ABL2: variants seen among roughly 807,000 people sequenced by gnomAD.
ABL2 encodes tyrosine-protein kinase ABL2.
Under a neutral mutation model 107.7 loss-of-function variants are expected in ABL2, and 49 were observed. The ratio of observed to expected loss-of-function variants is 0.45; its 90% CI spans 0.36 to 0.58. ABL2 has a LOEUF of 0.58. Among genes scored for constraint, ABL2 ranks in the 20% least tolerant of loss-of-function variants. The pLI is 0.00. For missense variants in ABL2, 1,245 were observed against 1,457.0 expected, an observed-to-expected ratio of 0.85 and a Z score of 2.37; for synonymous variants, 549 against 548.6, an observed-to-expected ratio of 1.00 and a Z score of -0.01.
chr1:179,100,985 C>T lies in ABL2; in HGVS notation c.*6733G>A, dbSNP rs3813642. The T allele has an allele frequency of 0.64, 148,353 of 232,452 alleles. 47,839 individuals are homozygous for T. Among genetic ancestry groups the T allele is most frequent in the Middle Eastern group, 0.71 (558 of 782 alleles). The allele number at this position is 232,452 out of a possible 1,614,324, so 14.4% of individuals were successfully genotyped here. On this transcript the variant is annotated 3_prime_UTR_variant, in exon 12 of 12. Coordinates refer to ENST00000502732, the MANE Select transcript of ABL2 (RefSeq NM_007314.4). ...TGGAGGGAAGGGTCCGGCGAGACCT[C>T]GCCAGGTGGGCTTGAGAAACGCAGC...
chr1:179,186,833 T>A (rs1330151085), intron 1 of ABL2, among the ~76,000 whole-genome samples: 1 of 151,884 alleles, frequency 6.6e-6, no homozygotes, highest in Non-Finnish European at 1.5e-5. Flanking sequence ...ACCTCCCAGG[T>A]TCAAGCAATT....
At chr1:179,118,820 C>T in intron 6 of ABL2, 56 bp from the exon 7 acceptor site, 1 of 1,554,282 alleles carries the variant, frequency 6.4e-7, no homozygotes, top group Non-Finnish European at 8.8e-7. Flanking sequence ...ACACTCCAAA[C>T]CACTTTGGCC....
Position 179,108,259 on chromosome 1 carries a change from G to A in ABL2, c.3008C>T (p.Thr1003Ile). The A allele has an allele frequency of 3.1e-6, 5 of 1,614,120 alleles. No individual in the cohort carries two copies. Among genetic ancestry groups the A allele is most frequent in the Non-Finnish European group, 3.4e-6 (4 of 1,180,012 alleles). The stretch of plus-strand genomic sequence containing the variant: ...TGCAGTTAGGGCAGTTGGCTCTTCT[G>A]TAGGGTCTGAGCAGATGGACGGATG... The part of the protein sequence containing the change: ...LQHPSICSDP[T>I]EEPTALTAGQ... Residue 1003 changes from threonine to isoleucine, a missense_variant, in exon 12 of 12, where the codon ACA becomes ATA. By Grantham distance (89) the Thr-to-Ile change is moderately conservative (BLOSUM62 -1). Coordinates refer to ENST00000502732, the MANE Select transcript of ABL2 (RefSeq NM_007314.4).
chr1:179,144,415 G>A (rs549899646), intron 1 of ABL2, among the ~76,000 whole-genome samples: 3 of 151,982 alleles, frequency 2.0e-5, no homozygotes, highest in Non-Finnish European at 4.4e-5. Context: ...AGCCAAGATC[G>A]CGCCACTGCA....
rs1447116467 is a variant in ABL2 at position 179,104,074 on chromosome 1, G to A, written c.*3644C>T. Reference sequence around the variant, plus strand: ...TGTTTTGTTTTGTTTTTTAACCCTAGGGGATTCTGCTGTGCATCCCTAGAC... The same window carrying A: ...TGTTTTGTTTTGTTTTTTAACCCTAAGGGATTCTGCTGTGCATCCCTAGAC... On this transcript the variant is annotated 3_prime_UTR_variant, in exon 12 of 12. Coordinates refer to ENST00000502732, the MANE Select transcript of ABL2 (RefSeq NM_007314.4). 1 of 232,820 alleles carries A rather than the reference G, an allele frequency of 4.3e-6. No homozygotes were observed. Among genetic ancestry groups the A allele is most frequent in the Non-Finnish European group, 8.5e-6 (1 of 117,826 alleles). 14.4% of individuals were successfully genotyped at this position (232,820 alleles called of 1,614,324 possible). A position where few individuals can be genotyped will look rare whatever the true frequency, so the allele number is the denominator to read the frequency against.
chr1:179,108,376 T>G lies in ABL2; in HGVS notation c.2891A>C (p.His964Pro), dbSNP rs750859238. 4 of 1,614,246 alleles carry G rather than the reference T, an allele frequency of 2.5e-6. No individual in the cohort carries two copies. The highest frequency in any genetic ancestry group is 3.4e-6 in the Non-Finnish European group (4 of 1,180,044). Reference protein sequence around the residue: ...QGNKFKLLSEHQVTSSGDKDR... With the variant: ...QGNKFKLLSEPQVTSSGDKDR... ...CTTGTCTCCAGAGGATGTGACCTGA[T>G]GCTCAGATAAGAGCTTGAATTTATT... Residue 964 changes from histidine to proline, a missense_variant, in exon 12 of 12, where the codon CAT becomes CCT. Transcript: ENST00000502732.
intron 1 of ABL2, among the ~76,000 whole-genome samples, chr1:179,169,572 G>C (rs1336621757): frequency 6.6e-6 from 1 of 151,260 alleles, no homozygotes; most frequent in African/African-American, 2.4e-5. Flanking sequence ...AAAAGACTAA[G>C]AGACATTAAA....
chr1:179,173,974 T>A (rs1165892267), intron 1 of ABL2, among the ~76,000 whole-genome samples: 1 of 152,114 alleles, frequency 6.6e-6, no homozygotes, highest in Non-Finnish European at 1.5e-5. Context: ...TGAAGTATGA[T>A]ATTGTTACTT....
chr1:179,201,907 A>G, intron 1 of ABL2: 2 of 1,302,676 alleles, frequency 1.5e-6, no homozygotes, highest in Non-Finnish European at 2.0e-6. Context: ...ATGCCCCTCA[A>G]TGTTGCCGAC....
At chr1:179,181,946 A>ATTTTTTTTTTTTTTTTTT (rs34828452) in intron 1 of ABL2, among the ~76,000 whole-genome samples, 8 of 91,210 alleles carry the variant, frequency 8.8e-5, no homozygotes, top group East Asian at 3.4e-4. Context: ...AGGCCCGGCT[A>ATTTTTTTTTTTTTTTTTT]TTTTTTTTTT....
At chr1:179,202,842 GAAGT>G (rs1661749568) in intron 1 of ABL2, among the ~76,000 whole-genome samples, 1 of 152,114 alleles carries the variant, frequency 6.6e-6, no homozygotes, top group South Asian at 2.1e-4. Context: ...AAATAAATGT[GAAGT>G]AAGTTCTAAA....
At chr1:179,139,433 C>T (rs1188053604) in intron 1 of ABL2, among the ~76,000 whole-genome samples, 3 of 152,180 alleles carry the variant, frequency 2.0e-5, no homozygotes, top group East Asian at 1.9e-4. Context: ...ACTCCAGACA[C>T]GCCACCTTAA....
At chr1:179,118,409 C>G (rs1409551787) in intron 7 of ABL2, among the ~76,000 whole-genome samples, 178 bp downstream of exon 7, 3 of 152,136 alleles carry the variant, frequency 2.0e-5, no homozygotes, top group African/African-American at 7.2e-5. Flanking sequence ...CTTATTAATA[C>G]TTTAATCAGA....
chr1:179,193,784 T>A (rs1198453809), intron 1 of ABL2, among the ~76,000 whole-genome samples: 1 of 152,114 alleles, frequency 6.6e-6, no homozygotes, highest in Non-Finnish European at 1.5e-5. Context: ...CAGGCTGGAG[T>A]GCAATGGCGC....
intron 1 of ABL2, among the ~76,000 whole-genome samples, chr1:179,200,450 C>A (rs554030940): frequency 1.3e-5 from 2 of 152,276 alleles, no homozygotes; most frequent in African/African-American, 4.8e-5. Flanking sequence ...AGCTAGACAG[C>A]AAGGTACAGT....
chr1:179,157,453 T>C (rs900207796), intron 1 of ABL2, among the ~76,000 whole-genome samples: 19 of 151,208 alleles, frequency 1.3e-4, no homozygotes, highest in African/African-American at 4.4e-4. Flanking sequence ...GCCAAGATCA[T>C]GCCACTGTAC....
rs565479490 is a variant in ABL2, at chr1:179,142,741, CCATA to C, written c.158-9371_158-9368del. ...ATTATTACAAAATACTACATATTAT[CCATA>C]CATTCTTCCATTCAGTATTTATTGA... On this transcript the variant is annotated intron_variant, in intron 1 of 11. Transcript: ENST00000502732. 1.6e-3 allele frequency among the ~76,000 whole-genome samples: 237 copies of C among 152,310 alleles called. 2 individuals carry two copies. The highest frequency in any genetic ancestry group is 2.4e-4 in the Non-Finnish European group (16 of 68,032).
intron 1 of ABL2, among the ~76,000 whole-genome samples, chr1:179,208,146 T>A (rs1297576278): frequency 6.6e-6 from 1 of 152,110 alleles, no homozygotes; most frequent in Non-Finnish European, 1.5e-5. Context: ...ATTGTATATG[T>A]TATATATATA....
intron 1 of ABL2, among the ~76,000 whole-genome samples, chr1:179,136,296 A>T (rs1159878978): frequency 6.6e-6 from 1 of 151,616 alleles, no homozygotes; most frequent in Non-Finnish European, 1.5e-5. Context: ...AAGATTGAGA[A>T]ATCGGATGGT....
Sources: gnomAD v4.1 joint callset for allele counts (sites outside exome capture counted in the v4.1 genomes callset) on GRCh38, gnomAD v4.1.1 for gene constraint, MANE v1.5 for transcripts, NCBI Gene and HGNC (gene_info 2026-07-23, HGNC 2026-07-21) for gene names.